Variants in PCDHGA4 observed in about 807,000 individuals in gnomAD.
PCDHGA4 encodes the protein protocadherin gamma-A4.
A neutral mutation model predicts 54.6 loss-of-function variants in PCDHGA4; 38 were observed. The observed-to-expected ratio is 0.70, with a 90% CI of 0.54 to 0.91. The LOEUF is 0.91. Ranked by LOEUF, PCDHGA4 falls within the 40% of genes least tolerant of loss-of-function variation. The probability of loss-of-function intolerance (pLI) is 0.00; values close to 1 mark genes in which losing one functional copy is unlikely to be tolerated. For synonymous variants in PCDHGA4, 511 were observed against 512.9 expected (o/e 1.00, Z 0.05); for missense variants, 1,298 against 1,220.9 (o/e 1.06, Z -0.94).
At chr5:141,435,575 C>T (rs1054936213) in intron 1 of PCDHGA4, among the ~76,000 whole-genome samples, 2 of 152,088 alleles carry the variant, frequency 1.3e-5, no homozygotes, top group South Asian at 2.1e-4. Context: ...AGTACTGGGG[C>T]AAATTTGCAG....
intron 1 of PCDHGA4, chr5:141,404,248 G>T (rs1404333144): frequency 6.2e-7 from 1 of 1,613,694 alleles, no homozygotes; most frequent in South Asian, 1.1e-5. Flanking sequence ...CTCCGCCCCT[G>T]TCCACAGAAA....
At chr5:141,384,447 G>T in intron 1 of PCDHGA4, 1 of 1,614,008 alleles carries the variant, frequency 6.2e-7, no homozygotes, top group African/African-American at 1.3e-5. Flanking sequence ...TCCTGTACGC[G>T]CTGCAATCCT....
intron 1 of PCDHGA4, chr5:141,404,996 G>C (rs776423830): frequency 6.2e-7 from 1 of 1,613,974 alleles, no homozygotes; most frequent in South Asian, 1.1e-5. Context: ...TCAGATCCCT[G>C]CAGACCTGGA....
chr5:141,485,958 T>C lies in PCDHGA4; in HGVS notation c.2515-8849T>C. On this transcript the variant is annotated intron_variant, in intron 1 of 3. Transcript: ENST00000571252. The surrounding 1 kb of genome is among the most constrained non-coding windows in gnomAD (Gnocchi z 5.7). ...AGCGCACCAGCGGGCATGGTGCTCATCCAGCTCAATGCCTCAGACCCGGAC... is the reference window on the plus strand; with the variant it reads ...AGCGCACCAGCGGGCATGGTGCTCACCCAGCTCAATGCCTCAGACCCGGAC... 1 of 1,614,190 alleles carries C rather than the reference T, an allele frequency of 6.2e-7. No individual in the cohort carries two copies. The highest frequency in any genetic ancestry group is 8.5e-7 in the Non-Finnish European group (1 of 1,180,032).
At position 141,485,532 on chromosome 5, in the gene PCDHGA4, A is replaced by C. The variant is rs1360942348; in HGVS notation, c.2515-9275A>C. 6.2e-7 allele frequency: 1 copy of C among 1,614,108 alleles called. No individual in the cohort carries two copies. The highest frequency in any genetic ancestry group is 1.7e-5 in the Admixed American group (1 of 60,000). ...GGTCCTTTGGAAATGTACCGAGCAG[A>C]GGTAGAGATCGTAGATGTGAATGAT... On this transcript the variant is annotated intron_variant, in intron 1 of 3. Transcript: ENST00000571252. This position sits in a 1 kb window ranked among gnomAD's most constrained non-coding sequence, Gnocchi z 5.7.
At chr5:141,499,679 T>G (rs2099793341) in intron 2 of PCDHGA4, among the ~76,000 whole-genome samples, 1 of 150,922 alleles carries the variant, frequency 6.6e-6, no homozygotes, top group South Asian at 2.1e-4. Context: ...CCACCATCTT[T>G]AACAGATGAC....
rs1427742903 is a variant in PCDHGA4 at position 141,477,916 on chromosome 5, A to G, written c.2515-16891A>G. On this transcript the variant is annotated intron_variant, in intron 1 of 3. Coordinates refer to ENST00000571252, the MANE Select transcript of PCDHGA4 (RefSeq NM_018917.4). This position sits in a 1 kb window ranked among gnomAD's most constrained non-coding sequence, Gnocchi z 4.9. ...GGGTGGTAGGCTGGGACGCGGATGC[A>G]GGGCACAATGCCTGGCTCTCCTACA... The G allele has an allele frequency of 1.2e-6, 2 of 1,614,042 alleles. No homozygotes were observed. The highest frequency in any genetic ancestry group is 2.7e-5 in the African/African-American group (2 of 74,932).
At chr5:141,398,670 A>T in intron 1 of PCDHGA4, 1 of 1,613,830 alleles carries the variant, frequency 6.2e-7, no homozygotes, top group Non-Finnish European at 8.5e-7. Flanking sequence ...TCTCATTAAT[A>T]ATTAAGGAGA....
At chr5:141,433,646 A>G (rs2097639113) in intron 1 of PCDHGA4, among the ~76,000 whole-genome samples, 1 of 152,012 alleles carries the variant, frequency 6.6e-6, no homozygotes, top group Non-Finnish European at 1.5e-5. Flanking sequence ...GACCAGCCTG[A>G]CCAACATGGA....
chr5:141,384,586 C>T lies in PCDHGA4; in HGVS notation c.2514+26965C>T, dbSNP rs747814318. ...CCAGAATGACAACCCGCCCGAGATC[C>T]TGTACCCGGCCCTCCCCACAGATGG... On this transcript the variant is annotated intron_variant, in intron 1 of 3. Transcript: ENST00000571252. The T allele has an allele frequency of 2.5e-6, 4 of 1,614,274 alleles. No homozygotes were observed. In the South Asian group the frequency reaches 4.4e-5, roughly 18 times the overall value.
chr5:141,484,866 C>A (rs1474623432), intron 1 of PCDHGA4: 9 of 275,500 alleles, frequency 3.3e-5, no homozygotes, highest in Non-Finnish European at 5.5e-5. Context: ...GGTGGGGGAG[C>A]GTGGAGGATA....
At chr5:141,368,074 G>A (rs1765473205) in intron 1 of PCDHGA4, among the ~76,000 whole-genome samples, 2 of 152,100 alleles carry the variant, frequency 1.3e-5, no homozygotes, top group Admixed American at 6.6e-5. Context: ...TTTCCCTTCT[G>A]CATCTGATTT....
chr5:141,360,899 T>G, intron 1 of PCDHGA4: 1 of 1,614,042 alleles, frequency 6.2e-7, no homozygotes, highest in South Asian at 1.1e-5. Context: ...AGGGAGGACG[T>G]GCCGCCGGGC....
At position 141,476,791 on chromosome 5, in the gene PCDHGA4, C is replaced by A. The variant is rs766227340; in HGVS notation, c.2515-18016C>A. 1 of 1,613,512 alleles carries A rather than the reference C, an allele frequency of 6.2e-7. No individual in the cohort carries two copies. Among genetic ancestry groups the A allele is most frequent in the Non-Finnish European group, 8.5e-7 (1 of 1,180,014 alleles). On this transcript the variant is annotated intron_variant, in intron 1 of 3. Transcript: ENST00000571252. This position sits in a 1 kb window ranked among gnomAD's most constrained non-coding sequence, Gnocchi z 7.6. ...TGGACGGAGGGACCCCAGCTCTCTC[C>A]GCCAGCCTGCCTATTCACATCAAGG...
chr5:141,414,990 C>A (rs1442265707), intron 1 of PCDHGA4: 5 of 1,613,794 alleles, frequency 3.1e-6, no homozygotes, highest in Admixed American at 1.7e-5. Context: ...CCGGCCAGAA[C>A]GCCTGGCTGT....
chr5:141,419,350 G>T lies in PCDHGA4; in HGVS notation c.2514+61729G>T, dbSNP rs202038869. 1.1e-4 allele frequency: 173 copies of T among 1,613,730 alleles called. 2 individuals are homozygous for T. The highest frequency in any genetic ancestry group is 2.3e-4 in the Admixed American group (14 of 60,012). ...ACTCTCTCATTGCCAGCGACCTGGA[G>T]TCACGAACGCTGTCGTCCTACGTGT... On this transcript the variant is annotated intron_variant, in intron 1 of 3. Transcript: ENST00000571252.
chr5:141,457,944 C>A (rs761151349), intron 1 of PCDHGA4, among the ~76,000 whole-genome samples: 33 of 152,310 alleles, frequency 2.2e-4, no homozygotes, highest in Non-Finnish European at 4.6e-4. Context: ...ATTGGCTCTG[C>A]ATGTCAAGCT....
intron 1 of PCDHGA4, chr5:141,410,904 A>G (rs2095446600): frequency 3.8e-6 from 1 of 262,528 alleles, no homozygotes; most frequent in African/African-American, 3.2e-5. Flanking sequence ...CCTAGGCTGG[A>G]GTGCAGTGGC....
At chr5:141,359,332 G>A (rs1761178840) in intron 1 of PCDHGA4, among the ~76,000 whole-genome samples, 1 of 152,092 alleles carries the variant, frequency 6.6e-6, no homozygotes, top group Non-Finnish European at 1.5e-5. Flanking sequence ...ATATATTCCA[G>A]AATGAGAGTG....
Sources: gnomAD v4.1 joint callset for allele counts (sites outside exome capture counted in the v4.1 genomes callset) on GRCh38, gnomAD v4.1.1 for gene constraint, Gnocchi (gnomAD v3.1) non-coding constraint, MANE v1.5 for transcripts, NCBI Gene and HGNC (gene_info 2026-07-23, HGNC 2026-07-21) for gene names.